Variants in DOT1L observed in about 807,000 individuals in gnomAD.
The protein encoded by DOT1L is histone-lysine N-methyltransferase, H3 lysine-79 specific.
DOT1L carries 33 observed loss-of-function variants against 153.3 expected under a neutral mutation model. The observed-to-expected ratio is 0.22, with a 90% CI of 0.16 to 0.29. The LOEUF is 0.29. Among genes scored for constraint, DOT1L ranks in the 10% least tolerant of loss-of-function variants. The pLI, the probability that DOT1L is intolerant of heterozygous loss-of-function variation, is 1.00. For synonymous variants in DOT1L, 1,135 were observed against 965.1 expected, an observed-to-expected ratio of 1.18 and a Z score of -3.26; for missense variants, 1,847 against 2,119.9, an observed-to-expected ratio of 0.87 and a Z score of 2.53.
Position 2,226,767 on chromosome 19 carries a change from C to T in DOT1L, c.4246C>T (p.Arg1416Cys), listed in dbSNP as rs1187883994. Residue 1416 changes from arginine to cysteine, a missense_variant, in exon 27 of 28, where the codon CGC (arginine) becomes TGC (cysteine). Physicochemically the swap from Arg to Cys is radical, Grantham distance 180. This residue lies in a region of DOT1L where 934 missense variants were observed against 825.3 expected (regional missense o/e 1.13). Transcript: ENST00000398665. The stretch of plus-strand genomic sequence containing the variant: ...CGGCAAGGCCGCCAAGGCCCGGGAC[C>T]GCGAGGTCGACCTCAAGAATGGCCA... ...LSGKAAKARD[R>C]EVDLKNGHNL... 3.8e-6 allele frequency: 6 copies of T among 1,567,850 alleles called. No homozygotes were observed. The highest frequency in any genetic ancestry group is 1.4e-5 in the African/African-American group (1 of 72,972).
Position 2,222,565 on chromosome 19 carries a change from G to C in DOT1L, c.3390+6G>C. On this transcript the variant is annotated splice_donor_region_variant and intron_variant, in intron 24 of 27. Coordinates refer to ENST00000398665, the MANE Select transcript of DOT1L (RefSeq NM_032482.3). This position sits in a 1 kb window ranked among gnomAD's most constrained non-coding sequence, Gnocchi z 6.5. ...CCCTCAACCTCAACTCCATGGTAAGGATGGGGACCGGCAGGGCTGGGGAGC... is the reference window on the plus strand; with the variant it reads ...CCCTCAACCTCAACTCCATGGTAAGCATGGGGACCGGCAGGGCTGGGGAGC... 6.5e-7 allele frequency: 1 copy of C among 1,533,436 alleles called. No homozygotes were observed. Among genetic ancestry groups the C allele is most frequent in the Non-Finnish European group, 8.7e-7 (1 of 1,144,446 alleles). 95.0% of individuals were successfully genotyped at this position (1,533,436 alleles called of 1,614,324 possible). A position where few individuals can be genotyped will look rare whatever the true frequency, so the allele number is the denominator to read the frequency against.
chr19:2,227,236 C>A (rs1339488224), intron 27 of DOT1L, 109 bp downstream of exon 27: 5 of 1,392,740 alleles, frequency 3.6e-6, no homozygotes, highest in Admixed American at 1.7e-5. Context: ...AGCTGCAGGT[C>A]CCCTGGTGCC....
At chr19:2,213,734 C>G in intron 17 of DOT1L, 94 bp downstream of exon 17, 1 of 1,600,982 alleles carries the variant, frequency 6.2e-7, no homozygotes. Context: ...GGCTTCCTGT[C>G]TATGCCTCTG....
rs1407417546 is a variant in DOT1L, at chr19:2,208,768, C to T, written c.964-167C>T. ...CGCCTGGCCACAGCTGGGTTAGTCA[C>T]ATCCGCGTTTGCCACTGGGGGGCTC... On this transcript the variant is annotated intron_variant, in intron 11 of 27. Transcript: ENST00000398665. The surrounding 1 kb of genome is among the most constrained non-coding windows in gnomAD (Gnocchi z 4.4). Among the ~76,000 whole-genome samples the T allele has an allele frequency of 6.6e-6, 1 of 152,180 alleles. No homozygotes were observed. Among genetic ancestry groups the T allele is most frequent in the Non-Finnish European group, 1.5e-5 (1 of 68,034 alleles).
In DOT1L at chr19:2,217,574, C is replaced by G. The variant is rs1369780348; in HGVS notation, c.2545-198C>G. Reference sequence around the variant, plus strand: ...GACAGATGGGCATTGCTTTCAGACACCAGGAGCGTGCCGTCCCTCTGGAGT... The same window carrying G: ...GACAGATGGGCATTGCTTTCAGACAGCAGGAGCGTGCCGTCCCTCTGGAGT... On this transcript the variant is annotated intron_variant, in intron 21 of 27. Coordinates refer to ENST00000398665, the MANE Select transcript of DOT1L (RefSeq NM_032482.3). The surrounding 1 kb of genome is among the most constrained non-coding windows in gnomAD (Gnocchi z 7.3). 6.6e-6 allele frequency among the ~76,000 whole-genome samples: 1 copy of G among 152,084 alleles called. No homozygotes were observed. Among genetic ancestry groups the G allele is most frequent in the Non-Finnish European group, 1.5e-5 (1 of 68,000 alleles).
rs757878620 is a variant in DOT1L, at chr19:2,217,842, G to A, written c.2615G>A (p.Ser872Asn). 1.2e-6 allele frequency: 2 copies of A among 1,611,414 alleles called. No homozygotes were observed. The highest frequency in any genetic ancestry group is 2.2e-5 in the East Asian group (1 of 44,790). ...AGCCTGCCCATCAGCATCCCGCTCAGCACCGTGCAGCCCAACAAGCTCCCG... is the reference window on the plus strand; with the variant it reads ...AGCCTGCCCATCAGCATCCCGCTCAACACCGTGCAGCCCAACAAGCTCCCG... ...ITSLPISIPL[S>N]TVQPNKLPVS... is the part of the protein sequence containing the mutation. Residue 872 changes from serine to asparagine, a missense_variant, in exon 22 of 28, where the codon AGC becomes AAC. Ser to Asn is a conservative substitution (Grantham distance 46, BLOSUM62 1). Transcript: ENST00000398665. The surrounding 1 kb of genome is among the most constrained non-coding windows in gnomAD (Gnocchi z 7.3).
At position 2,176,737 on chromosome 19, in the gene DOT1L, G is replaced by A. The variant is rs577711417; in HGVS notation, c.82-3976G>A. Among the ~76,000 whole-genome samples, 9 of 152,318 alleles carry A rather than the reference G, an allele frequency of 5.9e-5. No individual in the cohort carries two copies. The South Asian group carries it at 1.5e-3, about 25-fold the overall frequency. The stretch of plus-strand genomic sequence containing the variant: ...ACTGCCAGCCAGACATGCAGCTCCC[G>A]CGGCCACCACTTTGAGACAGCGACT... On this transcript the variant is annotated intron_variant, in intron 1 of 27. Coordinates refer to ENST00000398665, the MANE Select transcript of DOT1L (RefSeq NM_032482.3).
In DOT1L at chr19:2,213,995, C is replaced by T. The variant is rs374993427; in HGVS notation, c.1797+9C>T. 259 of 1,611,526 alleles carry T rather than the reference C, an allele frequency of 1.6e-4. 2 individuals carry two copies. In the South Asian group the frequency reaches 2.0e-3, roughly 13 times the overall value. On this transcript the variant is annotated intron_variant, in intron 18 of 27. Transcript: ENST00000398665. ...GCCAGAGCTTGCAGCTGGTGGGTGC[C>T]GCGGCGCAAGGACAGGGACGTGGAA...
At chr19:2,174,565 A>G (rs1290633949) in intron 1 of DOT1L, among the ~76,000 whole-genome samples, 1 of 152,166 alleles carries the variant, frequency 6.6e-6, no homozygotes, top group Non-Finnish European at 1.5e-5. Context: ...GCACGCCTGT[A>G]ATCCCAGCTA....
At position 2,210,675 on chromosome 19, in the gene DOT1L, C is replaced by T; in HGVS notation, c.1171C>T (p.Pro391Ser). The change falls in exon 14 of 28, where the codon CCC becomes TCC. Residue 391 changes from proline (P) to serine (S), a missense_variant. Physicochemically the swap from Pro to Ser is moderately conservative, Grantham distance 74. Coordinates refer to ENST00000398665, the MANE Select transcript of DOT1L (RefSeq NM_032482.3). ...AGAATVKKPS[P>S]SKARKKKLNK... Reference sequence around the variant, plus strand: ...AGCAGCCACCGTGAAGAAGCCGTCTCCCTCCAAAGCCCGCAAGAAGAAGCT... The same window carrying T: ...AGCAGCCACCGTGAAGAAGCCGTCTTCCTCCAAAGCCCGCAAGAAGAAGCT... 1 of 1,613,022 alleles carries T rather than the reference C, an allele frequency of 6.2e-7. No homozygotes were observed. Among genetic ancestry groups the T allele is most frequent in the African/African-American group, 1.3e-5 (1 of 75,040 alleles).
At position 2,220,015 on chromosome 19, in the gene DOT1L, C is replaced by A; in HGVS notation, c.2692-93C>A. The A allele has an allele frequency of 8.2e-7, 1 of 1,216,270 alleles. No individual in the cohort carries two copies. Among genetic ancestry groups the A allele is most frequent in the Non-Finnish European group, 1.1e-6 (1 of 871,940 alleles). 75.3% of individuals were successfully genotyped at this position (1,216,270 alleles called of 1,614,324 possible). ...GGTGACCCCGGCGGCCTCCCCCAGC[C>A]AGCTGCAGGCCTCAACACTCACTGT... is the stretch of plus-strand genomic sequence containing the variant. On this transcript the variant is annotated intron_variant, in intron 22 of 27. Transcript: ENST00000398665. This position sits in a 1 kb window ranked among gnomAD's most constrained non-coding sequence, Gnocchi z 4.5.
chr19:2,222,718 G>A lies in DOT1L; in HGVS notation c.3390+159G>A. 1.4e-6 allele frequency: 1 copy of A among 701,904 alleles called. No individual in the cohort carries two copies. Among genetic ancestry groups the A allele is most frequent in the South Asian group, 2.2e-5 (1 of 45,814 alleles). 43.5% of individuals were successfully genotyped at this position (701,904 alleles called of 1,614,324 possible). A position where few individuals can be genotyped will look rare whatever the true frequency, so the allele number is the denominator to read the frequency against. ...CATCAAGACCATCCTGGCTAACACGGTGAAACCCCGTCTCTACCAAAAATA... is the reference window on the plus strand; with the variant it reads ...CATCAAGACCATCCTGGCTAACACGATGAAACCCCGTCTCTACCAAAAATA... On this transcript the variant is annotated intron_variant, in intron 24 of 27. Coordinates refer to ENST00000398665, the MANE Select transcript of DOT1L (RefSeq NM_032482.3). The surrounding 1 kb of genome is among the most constrained non-coding windows in gnomAD (Gnocchi z 6.5).
rs1040282601 is a variant in DOT1L at position 2,208,194 on chromosome 19, C to A, written c.963+514C>A. Among the ~76,000 whole-genome samples, 1 of 152,134 alleles carries A rather than the reference C, an allele frequency of 6.6e-6. No individual in the cohort carries two copies. The highest frequency in any genetic ancestry group is 1.5e-5 in the Non-Finnish European group (1 of 68,008). The stretch of plus-strand genomic sequence containing the variant: ...CCTGCCTCCCACGGTGCTTCCCCCC[C>A]GGGCACGAGTATCCCGAGCCTCCTG... On this transcript the variant is annotated intron_variant, in intron 11 of 27. Transcript: ENST00000398665. This position sits in a 1 kb window ranked among gnomAD's most constrained non-coding sequence, Gnocchi z 4.4.
At chr19:2,203,180 G>A (rs1033975034) in intron 9 of DOT1L, among the ~76,000 whole-genome samples, 10 of 152,252 alleles carry the variant, frequency 6.6e-5, no homozygotes, top group Admixed American at 1.3e-4. Flanking sequence ...TCAGCTTACC[G>A]CAACCTCTGC....
intron 27 of DOT1L, chr19:2,228,551 G>A: frequency 1.0e-6 from 1 of 985,340 alleles, no homozygotes; most frequent in Non-Finnish European, 1.2e-6. Context: ...ACTACAGGAC[G>A]GGCACCAGCC....
Position 2,228,718 on chromosome 19 carries a change from G to C in DOT1L, c.4607-1067G>C, listed in dbSNP as rs533986601. ...AGGGGGCTGGGAGCTCTAGCTCCTA[G>C]AGCAGTCTCCAGGGCTCCATCCGCA... On this transcript the variant is annotated intron_variant, in intron 27 of 27. Transcript: ENST00000398665. 8 of 985,420 alleles carry C rather than the reference G, an allele frequency of 8.1e-6. No homozygotes were observed. In the South Asian group the frequency reaches 3.3e-4, roughly 40 times the overall value. The allele number at this position is 985,420 out of a possible 1,614,324, so 61.0% of individuals were successfully genotyped here.
chr19:2,227,808 T>A (rs1568374939), intron 27 of DOT1L: 2 of 1,304,894 alleles, frequency 1.5e-6, no homozygotes, highest in Non-Finnish European at 2.0e-6. Flanking sequence ...CGGGGCTGCA[T>A]GTGGCAGCGC....
chr19:2,226,797 C>T lies in DOT1L; in HGVS notation c.4276C>T (p.Leu1426Phe), dbSNP rs1358779949. The stretch of plus-strand genomic sequence containing the variant: ...GGTCGACCTCAAGAATGGCCACAAC[C>T]TCTTCATCTCTGCGGCGGCCGTGCC... ...REVDLKNGHN[L>F]FISAAAVPPG... Residue 1426 changes from leucine (L) to phenylalanine (F), a missense_variant, in exon 27 of 28, where the codon CTC becomes TTC. Coordinates refer to ENST00000398665, the MANE Select transcript of DOT1L (RefSeq NM_032482.3). 5 of 1,579,778 alleles carry T rather than the reference C, an allele frequency of 3.2e-6. No homozygotes were observed. The highest frequency in any genetic ancestry group is 1.8e-5 in the Admixed American group (1 of 54,378).
At position 2,227,157 on chromosome 19, in the gene DOT1L, C is replaced by A. The variant is rs201280774; in HGVS notation, c.4606+30C>A. ...GCAGGGCGGCCGTCCGTCCGCCCCC[C>A]GCCCCGGCCCCCGCCGGAGGCCCCT... On this transcript the variant is annotated intron_variant, in intron 27 of 27. Coordinates refer to ENST00000398665, the MANE Select transcript of DOT1L (RefSeq NM_032482.3). The A allele has an allele frequency of 6.2e-5, 97 of 1,565,782 alleles. No individual in the cohort carries two copies. The East Asian group carries it at 2.0e-3, about 33-fold the overall frequency.
Sources: allele counts gnomAD v4.1 joint callset (sites outside exome capture counted in the v4.1 genomes callset), GRCh38; gene constraint gnomAD v4.1.1; regional missense constraint gnomAD v4.1.1; non-coding constraint Gnocchi (gnomAD v3.1); transcripts MANE v1.5; gene names NCBI Gene and HGNC (gene_info 2026-07-23, HGNC 2026-07-21).